The following CNTNAP2 variants were observed in gnomAD, a reference collection of about 807,000 sequenced individuals.
CNTNAP2 encodes contactin associated protein 2, also known as contactin-associated protein-like 2.
In CNTNAP2, 98 loss-of-function variants were observed where a neutral mutation model predicts 155.2. That is an observed-to-expected ratio of 0.63 (90% confidence interval 0.54 to 0.75). The LOEUF (loss-of-function observed/expected upper bound fraction) is 0.75, where lower values mean the gene tolerates loss of function less well. Among genes scored for constraint, CNTNAP2 ranks in the 30% least tolerant of loss-of-function variants. The probability of loss-of-function intolerance (pLI) is 0.00; values close to 1 mark genes in which losing one functional copy is unlikely to be tolerated. For synonymous variants in CNTNAP2, 651 were observed against 631.2 expected (o/e 1.03, Z -0.47); for missense variants, 1,727 against 1,688.1 (o/e 1.02, Z -0.40).
At chr7:147,832,583 A>AAATATATTATATTGAAATATATTTC (rs1563104545) in intron 13 of CNTNAP2, among the ~76,000 whole-genome samples, 60 of 145,804 alleles carry the variant, frequency 4.1e-4, no homozygotes, top group African/African-American at 1.3e-3. Flanking sequence ...AAATATATTG[A>AAATATATTATATTGAAATATATTTC]AATATATATT....
chr7:146,694,817 C>T (rs767544214), intron 1 of CNTNAP2, among the ~76,000 whole-genome samples: 18 of 151,936 alleles, frequency 1.2e-4, no homozygotes, highest in African/African-American at 3.4e-4. Flanking sequence ...CATATTTTGT[C>T]GGCCTTATAT....
intron 9 of CNTNAP2, among the ~76,000 whole-genome samples, chr7:147,395,014 T>A (rs1796789332): frequency 6.6e-6 from 1 of 151,862 alleles, no homozygotes; most frequent in African/African-American, 2.4e-5. Context: ...CTGACCCTTA[T>A]GCCTAAATTT....
At chr7:147,668,923 A>T (rs964175106) in intron 13 of CNTNAP2, among the ~76,000 whole-genome samples, 2 of 152,114 alleles carry the variant, frequency 1.3e-5, no homozygotes, top group African/African-American at 4.8e-5. Flanking sequence ...CAGTCCTGCA[A>T]GCTCCATTTT....
At chr7:147,459,125 G>A (rs897991332) in intron 10 of CNTNAP2, among the ~76,000 whole-genome samples, 3 of 152,162 alleles carry the variant, frequency 2.0e-5, no homozygotes, top group Non-Finnish European at 4.4e-5. Flanking sequence ...CATGATTGTT[G>A]AACACTTAAA....
chr7:146,483,481 T>C (rs1797009543), intron 1 of CNTNAP2, among the ~76,000 whole-genome samples: 1 of 150,136 alleles, frequency 6.7e-6, no homozygotes, highest in South Asian at 2.1e-4. Flanking sequence ...ACAGGTCTTA[T>C]TTTTAAAGCT....
intron 1 of CNTNAP2, among the ~76,000 whole-genome samples, chr7:146,276,684 G>A (rs1276182162): frequency 1.3e-5 from 2 of 152,172 alleles, no homozygotes; most frequent in East Asian, 1.9e-4. Context: ...AGCCTCAGCA[G>A]CCATGTTAGG....
At chr7:148,232,207 C>T (rs1795975439) in intron 20 of CNTNAP2, among the ~76,000 whole-genome samples, 2 of 152,190 alleles carry the variant, frequency 1.3e-5, no homozygotes, top group Non-Finnish European at 2.9e-5. Context: ...TGGAGGAAGA[C>T]AAGATGTAGT....
At chr7:147,225,633 A>G (rs1234688422) in intron 8 of CNTNAP2, among the ~76,000 whole-genome samples, 2 of 152,152 alleles carry the variant, frequency 1.3e-5, no homozygotes, top group Admixed American at 1.3e-4. Flanking sequence ...TTTAAAATGA[A>G]ACAGCATTAG....
intron 3 of CNTNAP2, among the ~76,000 whole-genome samples, chr7:146,960,676 C>A (rs1379548545): frequency 6.6e-6 from 1 of 152,188 alleles, no homozygotes; most frequent in Non-Finnish European, 1.5e-5. Flanking sequence ...TATATCACTG[C>A]AAACAATAGA....
intron 13 of CNTNAP2, among the ~76,000 whole-genome samples, chr7:147,640,146 C>T (rs527790875): frequency 2.6e-5 from 4 of 151,566 alleles, no homozygotes; most frequent in South Asian, 4.2e-4. Context: ...ATATGTCTTT[C>T]GTGTACAATA....
intron 1 of CNTNAP2, among the ~76,000 whole-genome samples, chr7:146,397,538 G>A (rs1194322187): frequency 6.6e-6 from 1 of 152,200 alleles, no homozygotes; most frequent in Non-Finnish European, 1.5e-5. Flanking sequence ...ACTTGTGAAA[G>A]TTACCATGGA....
At chr7:148,182,097 C>G (rs1795048591) in intron 18 of CNTNAP2, among the ~76,000 whole-genome samples, 1 of 152,044 alleles carries the variant, frequency 6.6e-6, no homozygotes, top group Non-Finnish European at 1.5e-5. Flanking sequence ...TGTGGGGACA[C>G]AGCTGAATTT....
At chr7:147,289,773 T>A (rs997122983) in intron 8 of CNTNAP2, among the ~76,000 whole-genome samples, 6 of 152,194 alleles carry the variant, frequency 3.9e-5, no homozygotes, top group Non-Finnish European at 8.8e-5. Context: ...TATGCTAAAA[T>A]ATTGATCTCT....
intron 8 of CNTNAP2, among the ~76,000 whole-genome samples, chr7:147,190,996 A>G (rs1802668768): frequency 6.6e-6 from 1 of 152,302 alleles, no homozygotes; most frequent in South Asian, 2.1e-4. Flanking sequence ...TCAGGACTCT[A>G]ACTTGGAAGA....
At chr7:147,912,406 G>A (rs1800082889) in intron 14 of CNTNAP2, among the ~76,000 whole-genome samples, 1 of 152,046 alleles carries the variant, frequency 6.6e-6, no homozygotes, top group Admixed American at 6.6e-5. Flanking sequence ...TGCTGACACT[G>A]CCCTCCTGAG....
At chr7:146,958,282 T>C (rs919428232) in intron 3 of CNTNAP2, among the ~76,000 whole-genome samples, 1 of 151,984 alleles carries the variant, frequency 6.6e-6, no homozygotes, top group Non-Finnish European at 1.5e-5. Context: ...CAGTGAGCAA[T>C]AGCATGTTTG....
intron 21 of CNTNAP2, among the ~76,000 whole-genome samples, chr7:148,270,545 T>C (rs1796755436): frequency 6.6e-6 from 1 of 152,214 alleles, no homozygotes; most frequent in African/African-American, 2.4e-5. Flanking sequence ...AGTTCCACCA[T>C]ATACTAACAA....
intron 1 of CNTNAP2, among the ~76,000 whole-genome samples, chr7:146,634,739 C>A (rs1048319120): frequency 1.3e-5 from 2 of 152,182 alleles, no homozygotes; most frequent in Non-Finnish European, 2.9e-5. Flanking sequence ...TGAGTCTAAT[C>A]TCTGGGTTTT....
intron 1 of CNTNAP2, among the ~76,000 whole-genome samples, chr7:146,222,604 A>G (rs550883774): frequency 2.6e-4 from 39 of 150,282 alleles, no homozygotes; most frequent in African/African-American, 9.1e-4. Flanking sequence ...GTATATGTGC[A>G]TGTGTATGCA....
Sources: allele counts gnomAD v4.1 joint callset (sites outside exome capture counted in the v4.1 genomes callset), GRCh38; gene constraint gnomAD v4.1.1; transcripts MANE v1.5; gene names NCBI Gene and HGNC (gene_info 2026-07-23, HGNC 2026-07-21).